RBFOX1: variants seen among roughly 807,000 people sequenced by gnomAD.
RBFOX1 encodes RNA binding protein fox-1 homolog 1.
In RBFOX1, 8 loss-of-function variants were observed where a neutral mutation model predicts 57.7. The observed-to-expected ratio is 0.14, with a 90% CI of 0.08 to 0.25. The LOEUF is 0.25. RBFOX1 is among the 10% of genes least tolerant of loss of function. The probability of loss-of-function intolerance (pLI) is 1.00; values close to 1 mark genes in which losing one functional copy is unlikely to be tolerated. For synonymous variants in RBFOX1, 326 were observed against 222.4 expected (o/e 1.47, Z -4.15); for missense variants, 611 against 548.5 (o/e 1.11, Z -1.14).
intron 3 of RBFOX1, among the ~76,000 whole-genome samples, chr16:5,697,328 A>C (rs1355904058): frequency 6.6e-6 from 1 of 151,638 alleles, no homozygotes; most frequent in Admixed American, 6.6e-5. Flanking sequence ...ATATAGGAAA[A>C]GTATATAATT....
intron 11 of RBFOX1, among the ~76,000 whole-genome samples, chr16:7,637,866 A>T (rs545288940): frequency 6.6e-6 from 1 of 152,210 alleles, no homozygotes; most frequent in Non-Finnish European, 1.5e-5. Context: ...ATAGCATTTT[A>T]ATGCAATATT....
At chr16:6,619,079 A>T (rs968795240) in intron 2 of RBFOX1, among the ~76,000 whole-genome samples, 2 of 152,108 alleles carry the variant, frequency 1.3e-5, no homozygotes, top group African/African-American at 4.8e-5. Context: ...CAGAGGGTCA[A>T]GGTTGCATAC....
At chr16:5,455,630 T>C (rs900674439) in intron 1 of RBFOX1, among the ~76,000 whole-genome samples, 1 of 152,190 alleles carries the variant, frequency 6.6e-6, no homozygotes. Context: ...GATTCCCTTC[T>C]CTCACGCAGA....
intron 4 of RBFOX1, among the ~76,000 whole-genome samples, chr16:7,296,545 G>T (rs1185580242): frequency 6.6e-6 from 1 of 152,120 alleles, no homozygotes; most frequent in East Asian, 1.9e-4. Context: ...CTAAGGCTCG[G>T]AATGGTTAGC....
intron 5 of RBFOX1, among the ~76,000 whole-genome samples, chr16:7,535,922 G>A (rs1419769067): frequency 1.3e-5 from 2 of 152,120 alleles, no homozygotes; most frequent in Non-Finnish European, 2.9e-5. Context: ...TATTTCTTGG[G>A]TTCTTACTAT....
chr16:5,960,343 A>C (rs2059723601), intron 4 of RBFOX1, among the ~76,000 whole-genome samples: 1 of 152,214 alleles, frequency 6.6e-6, no homozygotes, highest in African/African-American at 2.4e-5. Context: ...ATTTATTCAC[A>C]GTCACACGGA....
chr16:7,446,903 C>A (rs62015753), intron 4 of RBFOX1, among the ~76,000 whole-genome samples: 28,614 of 142,344 alleles, frequency 0.2, 3,864 homozygotes, highest in African/African-American at 0.38. Flanking sequence ...AACTCCACCT[C>A]CTGGGTTCAC....
At chr16:5,935,417 G>A (rs996966400) in intron 4 of RBFOX1, among the ~76,000 whole-genome samples, 17 of 152,188 alleles carry the variant, frequency 1.1e-4, no homozygotes, top group Admixed American at 8.5e-4. Context: ...GATCAGGTAG[G>A]CAGCATAAGG....
chr16:7,074,898 C>A (rs2153786195), intron 4 of RBFOX1, among the ~76,000 whole-genome samples: 1 of 152,204 alleles, frequency 6.6e-6, no homozygotes, highest in East Asian at 1.9e-4. Flanking sequence ...CTAAAGCCAT[C>A]CCCCAGTGAG....
chr16:7,439,570 G>T (rs1383570684), intron 4 of RBFOX1, among the ~76,000 whole-genome samples: 1 of 152,146 alleles, frequency 6.6e-6, no homozygotes, highest in African/African-American at 2.4e-5. Flanking sequence ...AAGGCAACGA[G>T]GAGAGCATTT....
chr16:7,636,847 G>GAT (rs58939105), intron 11 of RBFOX1, among the ~76,000 whole-genome samples: 1 of 151,480 alleles, frequency 6.6e-6, no homozygotes, highest in East Asian at 2.0e-4. Context: ...GAGAGAAACA[G>GAT]AGAGAGAGAG....
chr16:5,901,587 A>G (rs1160251323), intron 4 of RBFOX1, among the ~76,000 whole-genome samples: 2 of 152,162 alleles, frequency 1.3e-5, no homozygotes, highest in African/African-American at 4.8e-5. Flanking sequence ...CCCCTCAGCC[A>G]TAACAGCCCC....
At chr16:6,859,147 A>G (rs28665204) in intron 3 of RBFOX1, among the ~76,000 whole-genome samples, 43 of 92,958 alleles carry the variant, frequency 4.6e-4, no homozygotes, top group African/African-American at 1.9e-3. Context: ...ATACGTATAT[A>G]TATATGTATA....
chr16:5,729,146 C>T (rs1329034949), intron 3 of RBFOX1, among the ~76,000 whole-genome samples: 2 of 152,172 alleles, frequency 1.3e-5, no homozygotes, highest in Non-Finnish European at 2.9e-5. Flanking sequence ...AACTGGGAGA[C>T]CTAATTCTGT....
intron 1 of RBFOX1, among the ~76,000 whole-genome samples, chr16:6,100,847 C>T (rs1426070421): frequency 6.6e-6 from 1 of 152,160 alleles, no homozygotes; most frequent in Non-Finnish European, 1.5e-5. Context: ...TACCATCACC[C>T]TCTTATAGGA....
At chr16:6,215,580 AT>A in intron 1 of RBFOX1, among the ~76,000 whole-genome samples, 1 of 152,202 alleles carries the variant, frequency 6.6e-6, no homozygotes, top group Admixed American at 6.5e-5. Flanking sequence ...TAAACACACC[AT>A]TGAGAACATT....
chr16:5,244,651 C>T (rs190026818), intron 1 of RBFOX1, among the ~76,000 whole-genome samples: 1 of 152,254 alleles, frequency 6.6e-6, no homozygotes, highest in East Asian at 1.9e-4. Flanking sequence ...CCCGCTGGAA[C>T]GCGGTGTGTC....
Position 5,331,951 on chromosome 16 carries a change from T to A in RBFOX1, c.219+91846T>A, listed in dbSNP as rs138556592. ...GAGACCTGCTTCTTATCCCATAGTGTCAAGTCCTAAGACAGAAGGGGTTTT... is the reference window on the plus strand; with the variant it reads ...GAGACCTGCTTCTTATCCCATAGTGACAAGTCCTAAGACAGAAGGGGTTTT... On this transcript the variant is annotated intron_variant, in intron 1 of 2. Coordinates refer to the RBFOX1 transcript ENST00000585867. 1.3e-3 allele frequency among the ~76,000 whole-genome samples: 198 copies of A among 152,352 alleles called. 1 individual carries two copies. The highest frequency in any genetic ancestry group is 2.5e-3 in the Non-Finnish European group (167 of 68,036).
At position 6,345,295 on chromosome 16, in the gene RBFOX1, A is replaced by G. The variant is rs552210599; in HGVS notation, c.-64+28238A>G. On this transcript the variant is annotated intron_variant, in intron 2 of 15. Coordinates refer to ENST00000550418, the MANE Select transcript of RBFOX1 (RefSeq NM_018723.4). Reference sequence around the variant, plus strand: ...GAAGCAACTGCGTACTGCTCCTTACAGAGCAGGGCTCCCCCTATAGGCAGT... The same window carrying G: ...GAAGCAACTGCGTACTGCTCCTTACGGAGCAGGGCTCCCCCTATAGGCAGT... Among the ~76,000 whole-genome samples, 24 of 152,360 alleles carry G rather than the reference A, an allele frequency of 1.6e-4. No homozygotes were observed. The South Asian group carries it at 3.3e-3, about 21-fold the overall frequency.
Sources: gnomAD v4.1 joint callset for allele counts (sites outside exome capture counted in the v4.1 genomes callset) on GRCh38, gnomAD v4.1.1 for gene constraint, MANE v1.5 for transcripts, NCBI Gene and HGNC (gene_info 2026-07-23, HGNC 2026-07-21) for gene names.